The following MYT1L variants were observed in gnomAD, a reference collection of about 807,000 sequenced individuals.
MYT1L encodes myelin transcription factor 1-like protein.
A neutral mutation model predicts 126.7 loss-of-function variants in MYT1L; 12 were observed. The ratio of observed to expected loss-of-function variants is 0.09; its 90% CI spans 0.06 to 0.15. The LOEUF is 0.15. Among genes scored for constraint, MYT1L ranks in the 10% least tolerant of loss-of-function variants. The pLI, the probability that MYT1L is intolerant of heterozygous loss-of-function variation, is 1.00. For missense variants in MYT1L, 979 were observed against 1,585.2 expected, an observed-to-expected ratio of 0.62 and a Z score of 6.49; for synonymous variants, 541 against 604.2, an observed-to-expected ratio of 0.90 and a Z score of 1.53.
rs1336944354 is a variant in MYT1L at position 1,887,168 on chromosome 2, A to T, written c.2642+320T>A. On this transcript the variant is annotated intron_variant, in intron 17 of 24. Coordinates refer to ENST00000647738, the MANE Select transcript of MYT1L (RefSeq NM_001303052.2). This position sits in a 1 kb window ranked among gnomAD's most constrained non-coding sequence, Gnocchi z 4.8. ...AACAGCCAAAATAGTAAGTATGTTT[A>T]AAAAAAAAAAAAACTTTTAAAAAAG... 6 of 228,928 alleles carry T rather than the reference A, an allele frequency of 2.6e-5. No homozygotes were observed. The highest frequency in any genetic ancestry group is 1.3e-4 in the Admixed American group (2 of 15,216). 14.2% of individuals were successfully genotyped at this position (228,928 alleles called of 1,614,324 possible). A position where few individuals can be genotyped will look rare whatever the true frequency, so the allele number is the denominator to read the frequency against.
chr2:2,215,019 A>C (rs913413921), intron 2 of MYT1L, among the ~76,000 whole-genome samples: 1 of 152,210 alleles, frequency 6.6e-6, no homozygotes, highest in Non-Finnish European at 1.5e-5. Context: ...GTAAAAAATT[A>C]AAGATGTATT....
intron 1 of MYT1L, among the ~76,000 whole-genome samples, chr2:2,296,734 T>G (rs1220738207): frequency 6.6e-6 from 1 of 152,116 alleles, no homozygotes; most frequent in Non-Finnish European, 1.5e-5. Flanking sequence ...CAGGGCACCA[T>G]GCGTCCCTCT....
chr2:1,977,937 A>T (rs1377872013), intron 8 of MYT1L, among the ~76,000 whole-genome samples: 2 of 152,242 alleles, frequency 1.3e-5, no homozygotes, highest in Non-Finnish European at 2.9e-5. Flanking sequence ...TTACTATTTT[A>T]TACAATAACA....
intron 3 of MYT1L, among the ~76,000 whole-genome samples, chr2:2,073,392 AAGACTTCATCCTAATGAAG>A (rs1255874748): frequency 2.6e-5 from 4 of 152,082 alleles, no homozygotes; most frequent in Admixed American, 2.0e-4. Flanking sequence ...TTACAGAAAG[AAGACTTCATCCTAATGAAG>A]AGACTTCATC....
At chr2:2,047,015 T>C (rs2068265939) in intron 4 of MYT1L, among the ~76,000 whole-genome samples, 1 of 152,234 alleles carries the variant, frequency 6.6e-6, no homozygotes, top group Non-Finnish European at 1.5e-5. Context: ...TGCCCATTTT[T>C]AGTTAATATT....
intron 3 of MYT1L, among the ~76,000 whole-genome samples, chr2:2,086,199 C>T (rs1575072700): frequency 1.3e-5 from 2 of 150,570 alleles, no homozygotes; most frequent in Admixed American, 1.3e-4. Context: ...AGTAAGGCAA[C>T]ATGCTGTTAG....
At chr2:2,153,127 GTC>G (rs1443641215) in intron 3 of MYT1L, among the ~76,000 whole-genome samples, 2 of 152,136 alleles carry the variant, frequency 1.3e-5, no homozygotes, top group Non-Finnish European at 2.9e-5. Context: ...GTGAGTCCCT[GTC>G]TGTACTAAAG....
intron 13 of MYT1L, among the ~76,000 whole-genome samples, chr2:1,904,153 T>C (rs2050728975): frequency 6.6e-6 from 1 of 152,062 alleles, no homozygotes. Context: ...TAGTATGGAG[T>C]TCTTTCCTAA....
chr2:2,240,563 T>C (rs1029751401), intron 2 of MYT1L, among the ~76,000 whole-genome samples: 2 of 152,196 alleles, frequency 1.3e-5, no homozygotes, highest in Non-Finnish European at 2.9e-5. Context: ...TAACACAAAT[T>C]AAAATATACG....
At chr2:1,881,355 C>CGT (rs59171974) in intron 18 of MYT1L, among the ~76,000 whole-genome samples, 6,205 of 139,106 alleles carry the variant, frequency 0.045, 161 homozygotes, top group South Asian at 0.081. Context: ...TTTGCAGGTT[C>CGT]GTGTGTGTGT....
At chr2:2,235,877 A>G (rs191153900) in intron 2 of MYT1L, among the ~76,000 whole-genome samples, 11 of 152,306 alleles carry the variant, frequency 7.2e-5, no homozygotes, top group Admixed American at 6.5e-4. Context: ...TGTGGTTGTG[A>G]ATGGCTTTTA....
At chr2:2,297,634 T>G (rs1000629538) in intron 1 of MYT1L, among the ~76,000 whole-genome samples, 1 of 152,188 alleles carries the variant, frequency 6.6e-6, no homozygotes, top group Non-Finnish European at 1.5e-5. Flanking sequence ...AACAGTTGCA[T>G]GTGCCACTCA....
chr2:2,069,846 G>T lies in MYT1L; in HGVS notation c.-303-15723C>A, dbSNP rs78648337. Reference sequence around the variant, plus strand: ...AGTGATGATGAGCTTTTTTTGGTATGTTTGTTGGCTGCATAAATGTCTTCT... The same window carrying T: ...AGTGATGATGAGCTTTTTTTGGTATTTTTGTTGGCTGCATAAATGTCTTCT... On this transcript the variant is annotated intron_variant, in intron 3 of 24. Coordinates refer to ENST00000647738, the MANE Select transcript of MYT1L (RefSeq NM_001303052.2). Among the ~76,000 whole-genome samples the T allele has an allele frequency of 8.9e-3, 1,347 of 151,086 alleles. 20 individuals carry two copies. Among genetic ancestry groups the T allele is most frequent in the African/African-American group, 0.027 (1,131 of 41,250 alleles).
At chr2:1,950,887 G>T (rs1415568912) in intron 8 of MYT1L, among the ~76,000 whole-genome samples, 1 of 152,184 alleles carries the variant, frequency 6.6e-6, no homozygotes, top group Non-Finnish European at 1.5e-5. Context: ...GAGCTAGATG[G>T]TGGAAGGTCA....
chr2:2,328,063 G>A (rs2149740381), intron 1 of MYT1L, among the ~76,000 whole-genome samples: 1 of 152,062 alleles, frequency 6.6e-6, no homozygotes, highest in Non-Finnish European at 1.5e-5. Flanking sequence ...AGAAGTAATT[G>A]GCTTTTAAAA....
chr2:1,979,294 C>G lies in MYT1L; in HGVS notation c.90-67G>C. On this transcript the variant is annotated intron_variant, in intron 7 of 24. Coordinates refer to ENST00000647738, the MANE Select transcript of MYT1L (RefSeq NM_001303052.2). This position sits in a 1 kb window ranked among gnomAD's most constrained non-coding sequence, Gnocchi z 4.0. ...CAGGTGAGACGGAAAGCTTCCGTGG[C>G]AGCAGAGAGAAGGAGGGCGGCTCAG... is the stretch of plus-strand genomic sequence containing the variant. 6.9e-7 allele frequency: 1 copy of G among 1,446,522 alleles called. No individual in the cohort carries two copies. Among genetic ancestry groups the G allele is most frequent in the South Asian group, 1.2e-5 (1 of 85,338 alleles). The allele number at this position is 1,446,522 out of a possible 1,614,324, so 89.6% of individuals were successfully genotyped here.
Position 1,929,630 on chromosome 2 carries a change from CAG to C in MYT1L, c.506-6369_506-6368del, listed in dbSNP as rs1479298158. ...CACAGTTCAGTGATTTCTGAGTTAACAGAGGTTAAAATTCTCCCAGCAGAAGC... is the reference window on the plus strand; with the variant it reads ...CACAGTTCAGTGATTTCTGAGTTAACAGGTTAAAATTCTCCCAGCAGAAGC... On this transcript the variant is annotated intron_variant, in intron 9 of 24. Coordinates refer to ENST00000647738, the MANE Select transcript of MYT1L (RefSeq NM_001303052.2). The surrounding 1 kb of genome is among the most constrained non-coding windows in gnomAD (Gnocchi z 4.7). Among the ~76,000 whole-genome samples the C allele has an allele frequency of 1.3e-5, 2 of 152,218 alleles. No individual in the cohort carries two copies. The highest frequency in any genetic ancestry group is 4.8e-5 in the African/African-American group (2 of 41,450).
chr2:1,925,539 C>T (rs551773349), intron 9 of MYT1L, among the ~76,000 whole-genome samples: 53 of 152,286 alleles, frequency 3.5e-4, no homozygotes, highest in African/African-American at 1.2e-3. Context: ...TTTCTCCACT[C>T]AATTCATAAG....
At chr2:2,038,654 G>C (rs184432318) in intron 4 of MYT1L, among the ~76,000 whole-genome samples, 1 of 151,764 alleles carries the variant, frequency 6.6e-6, no homozygotes. Flanking sequence ...ATGTGACGTT[G>C]CTTGTTTGCT....
Sources: allele counts gnomAD v4.1 joint callset (sites outside exome capture counted in the v4.1 genomes callset), GRCh38; gene constraint gnomAD v4.1.1; non-coding constraint Gnocchi (gnomAD v3.1); transcripts MANE v1.5; gene names NCBI Gene and HGNC (gene_info 2026-07-23, HGNC 2026-07-21).